The following SYNJ1 variants were observed in gnomAD, a reference collection of about 807,000 sequenced individuals.
SYNJ1 encodes the protein polyphosphatidylinositol phosphatase SYNJ1.
Under a neutral mutation model 168.2 loss-of-function variants are expected in SYNJ1, and 78 were observed. The ratio of observed to expected loss-of-function variants is 0.46; its 90% CI spans 0.39 to 0.56. The LOEUF (loss-of-function observed/expected upper bound fraction) is 0.56. Among genes scored for constraint, SYNJ1 ranks in the 20% least tolerant of loss-of-function variants. The pLI, the probability that SYNJ1 is intolerant of heterozygous loss-of-function variation, is 0.00. For missense variants in SYNJ1, 1,303 were observed against 1,597.6 expected (o/e 0.82, Z 3.14); for synonymous variants, 539 against 548.6 (o/e 0.98, Z 0.24).
rs1185994758 is a variant in SYNJ1, at chr21:32,717,807, T to C, written c.124+8965A>G. ...ATCTCTGGAGCTCTTTGTGCAACTG[T>C]CTCATCTCTAGTACACAGCCCTGAG... is the stretch of plus-strand genomic sequence containing the variant. On this transcript the variant is annotated intron_variant, in intron 2 of 32. Coordinates refer to ENST00000674351, the MANE Select transcript of SYNJ1 (RefSeq NM_203446.3). Among the ~76,000 whole-genome samples, 6 of 152,340 alleles carry C rather than the reference T, an allele frequency of 3.9e-5. No individual in the cohort carries two copies. The East Asian group carries it at 9.6e-4, about 24-fold the overall frequency.
At chr21:32,711,877 T>C (rs879858329) in intron 2 of SYNJ1, among the ~76,000 whole-genome samples, 1 of 152,178 alleles carries the variant, frequency 6.6e-6, no homozygotes, top group Non-Finnish European at 1.5e-5. Context: ...ACTCCACATC[T>C]GAACAGAAAA....
chr21:32,714,896 T>C (rs2042967185), intron 2 of SYNJ1, among the ~76,000 whole-genome samples: 1 of 152,226 alleles, frequency 6.6e-6, no homozygotes. Flanking sequence ...ATTTTCCTTT[T>C]GTGGGTTCTA....
At chr21:32,659,786 C>T (rs991481021) in intron 18 of SYNJ1, among the ~76,000 whole-genome samples, 4 of 152,198 alleles carry the variant, frequency 2.6e-5, no homozygotes, top group African/African-American at 7.2e-5. Context: ...TTCTACAACT[C>T]GGTGTCTGAG....
rs539421364 is a variant in SYNJ1 at position 32,679,358 on chromosome 21, T to C, written c.1354-557A>G. On this transcript the variant is annotated intron_variant, in intron 11 of 32. Coordinates refer to ENST00000674351, the MANE Select transcript of SYNJ1 (RefSeq NM_203446.3). ...AAAAGAAATTTACAAGTACAGTTCA[T>C]AAACGAATATTACATGTAAACTACA... Among the ~76,000 whole-genome samples the C allele has an allele frequency of 5.9e-5, 9 of 152,298 alleles. No individual in the cohort carries two copies. In the East Asian group the frequency reaches 9.6e-4, roughly 16 times the overall value.
intron 2 of SYNJ1, among the ~76,000 whole-genome samples, chr21:32,712,797 T>C (rs891269305): frequency 5.3e-5 from 8 of 152,100 alleles, no homozygotes; most frequent in African/African-American, 1.9e-4. Context: ...AGGAGGACAA[T>C]GATTAGAATA....
chr21:32,659,357 T>C (rs1329256703), intron 18 of SYNJ1, among the ~76,000 whole-genome samples: 1 of 152,170 alleles, frequency 6.6e-6, no homozygotes, highest in African/African-American at 2.4e-5. Context: ...TCTTTCCTAT[T>C]TTTATTACTT....
intron 9 of SYNJ1, among the ~76,000 whole-genome samples, chr21:32,685,015 T>C (rs1210741090): frequency 6.7e-6 from 1 of 150,092 alleles, no homozygotes; most frequent in African/African-American, 2.5e-5. Context: ...CCGTCTCTAC[T>C]AAAAATACAA....
chr21:32,722,320 G>A (rs2043275821), intron 2 of SYNJ1, among the ~76,000 whole-genome samples: 1 of 151,610 alleles, frequency 6.6e-6, no homozygotes, highest in Non-Finnish European at 1.5e-5. Flanking sequence ...GGAGGCCAAG[G>A]CAGGTGGATC....
In SYNJ1 at chr21:32,726,847, G is replaced by A. The variant is rs1280837601; in HGVS notation, c.49C>T (p.Pro17Ser). 1.9e-6 allele frequency: 3 copies of A among 1,614,182 alleles called. No homozygotes were observed. The highest frequency in any genetic ancestry group is 4.5e-5 in the East Asian group (2 of 44,876). ...FRIYHKLDPPPFSLIVETRHK... is the reference protein window; with the variant it reads ...FRIYHKLDPPSFSLIVETRHK... The stretch of plus-strand genomic sequence containing the variant: ...CTAGTTTCCACTATGAGGCTGAAAG[G>A]TGGGGGATCCAATTTGTGATAGATC... Residue 17 changes from proline (P) to serine (S), a missense_variant, in exon 2 of 33, where the codon CCT becomes TCT. Physicochemically the swap from Pro to Ser is moderately conservative, Grantham distance 74 (BLOSUM62 -1). Transcript: ENST00000674351.
At chr21:32,678,906 AT>A in intron 11 of SYNJ1, 105 bp from the exon 12 acceptor site, 1 of 1,453,570 alleles carries the variant, frequency 6.9e-7, no homozygotes, top group Non-Finnish European at 9.3e-7. Flanking sequence ...TGATTTTAGT[AT>A]AAAAAAGGAC....
chr21:32,635,085 T>G (rs552067527), intron 31 of SYNJ1, among the ~76,000 whole-genome samples: 1 of 152,204 alleles, frequency 6.6e-6, no homozygotes, highest in Non-Finnish European at 1.5e-5. Flanking sequence ...GGTCCAGACT[T>G]TAGTTTTGTC....
chr21:32,681,407 A>T, intron 11 of SYNJ1, 89 bp downstream of exon 11: 1 of 1,405,398 alleles, frequency 7.1e-7, no homozygotes, highest in East Asian at 2.3e-5. Context: ...AATTTAAACC[A>T]TCTATTAACT....
intron 16 of SYNJ1, 65 bp from the exon 17 acceptor site, chr21:32,666,200 G>A (rs750778311): frequency 2.1e-5 from 32 of 1,526,912 alleles, no homozygotes; most frequent in Non-Finnish European, 2.1e-5. Context: ...CATAGGAAAT[G>A]AGGAATATAC....
intron 13 of SYNJ1, 50 bp downstream of exon 13, chr21:32,676,282 A>G: frequency 6.8e-7 from 1 of 1,471,638 alleles, no homozygotes; most frequent in African/African-American, 1.4e-5. Context: ...GACTTCAGAA[A>G]AAATAAGAAA....
intron 6 of SYNJ1, among the ~76,000 whole-genome samples, chr21:32,693,218 C>CA (rs1229128299): frequency 1.3e-5 from 2 of 152,100 alleles, no homozygotes; most frequent in African/African-American, 4.8e-5. Context: ...GCAAATACTC[C>CA]AAACACCCAC....
intron 21 of SYNJ1, chr21:32,653,670 G>T (rs1240477288): frequency 2.0e-5 from 5 of 251,488 alleles, no homozygotes; most frequent in Admixed American, 1.1e-4. Context: ...AAGGCAAAAA[G>T]GGACAGAGGT....
intron 7 of SYNJ1, 89 bp downstream of exon 7, chr21:32,688,217 C>CA: frequency 7.7e-7 from 1 of 1,304,256 alleles, no homozygotes; most frequent in South Asian, 1.4e-5. Context: ...TATTTAAAGC[C>CA]AAAAAAGTTT....
intron 18 of SYNJ1, among the ~76,000 whole-genome samples, chr21:32,660,584 A>G (rs890479756): frequency 6.6e-6 from 1 of 152,250 alleles, no homozygotes. Flanking sequence ...ATCAATCCAC[A>G]TGGAGAAAGA....
chr21:32,710,861 A>C (rs576776787), intron 2 of SYNJ1, among the ~76,000 whole-genome samples: 1 of 152,308 alleles, frequency 6.6e-6, no homozygotes, highest in South Asian at 2.1e-4. Context: ...GGAAGGGTAA[A>C]TATTGTTATA....
Sources: allele counts gnomAD v4.1 joint callset (sites outside exome capture counted in the v4.1 genomes callset), GRCh38; gene constraint gnomAD v4.1.1; transcripts MANE v1.5; gene names NCBI Gene and HGNC (gene_info 2026-07-23, HGNC 2026-07-21).